Variants in PHLPP1 observed in about 807,000 individuals in gnomAD.
PHLPP1 encodes the protein PH domain and leucine rich repeat protein phosphatase 1.
Under a neutral mutation model 117.2 loss-of-function variants are expected in PHLPP1, and 42 were observed. The ratio of observed to expected loss-of-function variants is 0.36; its 90% confidence interval spans 0.28 to 0.46. The LOEUF (loss-of-function observed/expected upper bound fraction) is 0.46, where lower values mean the gene tolerates loss of function less well. Among genes scored for constraint, PHLPP1 ranks in the 20% least tolerant of loss-of-function variants. The pLI is 1.00. For missense variants in PHLPP1, 2,084 were observed against 2,241.9 expected (o/e 0.93, Z 1.42); for synonymous variants, 1,042 against 970.7 (o/e 1.07, Z -1.37).
intron 1 of PHLPP1, among the ~76,000 whole-genome samples, chr18:62,812,127 A>G (rs567419264): frequency 6.6e-6 from 1 of 152,296 alleles, no homozygotes; most frequent in South Asian, 2.1e-4. Context: ...GCTCTTAATC[A>G]TTGTCTGAAG....
intron 15 of PHLPP1, among the ~76,000 whole-genome samples, chr18:62,974,250 C>A (rs1911128638): frequency 6.6e-6 from 1 of 152,162 alleles, no homozygotes; most frequent in Non-Finnish European, 1.5e-5. Context: ...AGTTTAGGAA[C>A]CTAAACTATA....
chr18:62,941,858 G>A lies in PHLPP1; in HGVS notation c.3101G>A (p.Gly1034Glu), dbSNP rs748022682. The A allele has an allele frequency of 3.1e-6, 5 of 1,614,002 alleles. No individual in the cohort carries two copies. The highest frequency in any genetic ancestry group is 2.2e-5 in the South Asian group (2 of 91,084). ...LTDKCVPLLT[G>E]HPHLKILHMA... The stretch of plus-strand genomic sequence containing the variant: ...GACAAATGTGTGCCCTTGTTAACGG[G>A]ACACCCCCATTTGAAGATCCTTCAC... The change falls in exon 11 of 17, where the codon GGA becomes GAA. Residue 1034 changes from glycine (G) to glutamate (E), a missense_variant. Around this residue, in one of 2 missense-constraint regions of PHLPP1, gnomAD observed 1,365 missense variants for 1,605.9 expected, o/e 0.85. Coordinates refer to ENST00000262719, the MANE Select transcript of PHLPP1 (RefSeq NM_194449.4).
At chr18:62,724,583 T>A (rs1389889136) in intron 1 of PHLPP1, among the ~76,000 whole-genome samples, 1 of 152,214 alleles carries the variant, frequency 6.6e-6, no homozygotes, top group Non-Finnish European at 1.5e-5. Context: ...ATTTTGATGA[T>A]CTGTCCAGTG....
At chr18:62,732,889 G>A (rs1599017573) in intron 1 of PHLPP1, among the ~76,000 whole-genome samples, 1 of 152,196 alleles carries the variant, frequency 6.6e-6, no homozygotes, top group Admixed American at 6.5e-5. Context: ...ATTAGAAGTG[G>A]AGCCTGGAGA....
intron 6 of PHLPP1, 144 bp from the exon 7 acceptor site, chr18:62,902,819 AG>A: frequency 1.6e-6 from 1 of 608,392 alleles, no homozygotes; most frequent in East Asian, 2.7e-5. Flanking sequence ...TAGTTAAGAA[AG>A]GCCGGATGCT....
chr18:62,723,714 C>T (rs1763291562), intron 1 of PHLPP1, among the ~76,000 whole-genome samples: 1 of 152,136 alleles, frequency 6.6e-6, no homozygotes. Context: ...TCTTCAAAAA[C>T]AGAACTTTGG....
chr18:62,925,562 T>A (rs1909604217), intron 10 of PHLPP1, among the ~76,000 whole-genome samples: 1 of 151,460 alleles, frequency 6.6e-6, no homozygotes, highest in African/African-American at 2.5e-5. Context: ...GAACAGAAAA[T>A]TTAGAAGAGC....
At chr18:62,838,243 T>C (rs1302304176) in intron 2 of PHLPP1, 1 of 152,216 alleles carries the variant, frequency 6.6e-6, no homozygotes, top group Middle Eastern at 3.2e-3. Context: ...TAGAAGTTTG[T>C]ATAATGTTAC....
At chr18:62,857,687 A>C (rs1017475724) in intron 3 of PHLPP1, among the ~76,000 whole-genome samples, 3 of 152,170 alleles carry the variant, frequency 2.0e-5, no homozygotes, top group Admixed American at 1.3e-4. Flanking sequence ...TCCTCTGGGA[A>C]TCCTTTTCTG....
rs141092082 is a variant in PHLPP1 at position 62,957,195 on chromosome 18, G to A, written c.3325-1434G>A. Reference sequence around the variant, plus strand: ...GAGCGCTGACCACTCCGTTTCTCTTGTGTATGCTGAGCCTTCTCCACCTAG... The same window carrying A: ...GAGCGCTGACCACTCCGTTTCTCTTATGTATGCTGAGCCTTCTCCACCTAG... On this transcript the variant is annotated intron_variant, in intron 12 of 16. Transcript: ENST00000262719. 1.1e-4 allele frequency among the ~76,000 whole-genome samples: 16 copies of A among 152,246 alleles called. No individual in the cohort carries two copies. In the East Asian group the frequency reaches 2.9e-3, roughly 28 times the overall value.
chr18:62,798,536 A>T (rs533906530), intron 1 of PHLPP1, among the ~76,000 whole-genome samples: 1 of 152,248 alleles, frequency 6.6e-6, no homozygotes, highest in Non-Finnish European at 1.5e-5. Context: ...ATATTAAATT[A>T]CTAAGAAAAG....
chr18:62,958,559 A>G, intron 12 of PHLPP1, 70 bp from the exon 13 acceptor site: 1 of 1,474,222 alleles, frequency 6.8e-7, no homozygotes, highest in Non-Finnish European at 9.4e-7. Context: ...TGCAAAGAGT[A>G]GGAGTATAGA....
At chr18:62,825,789 C>G (rs1431848843) in intron 1 of PHLPP1, among the ~76,000 whole-genome samples, 3 of 152,062 alleles carry the variant, frequency 2.0e-5, no homozygotes, top group Non-Finnish European at 4.4e-5. Context: ...TACAGTAGAC[C>G]TATCACTATA....
intron 3 of PHLPP1, among the ~76,000 whole-genome samples, chr18:62,856,959 A>AT (rs1427864076): frequency 6.6e-6 from 1 of 151,802 alleles, no homozygotes; most frequent in East Asian, 1.9e-4. Flanking sequence ...GTGCTTACCA[A>AT]TTTTTTTAAC....
intron 4 of PHLPP1, among the ~76,000 whole-genome samples, chr18:62,864,859 G>C (rs761271175): frequency 6.6e-6 from 1 of 152,088 alleles, no homozygotes; most frequent in Non-Finnish European, 1.5e-5. Context: ...CTAAATTGCA[G>C]GAAAAAACCT....
At chr18:62,807,768 TAA>T (rs1355065946) in intron 1 of PHLPP1, among the ~76,000 whole-genome samples, 1 of 152,046 alleles carries the variant, frequency 6.6e-6, no homozygotes, top group African/African-American at 2.4e-5. Flanking sequence ...AAAATAATAG[TAA>T]AAATACAGTA....
At chr18:62,938,994 C>CTTTCTTTTTTTTTTTTTTTT (rs368316862) in intron 10 of PHLPP1, among the ~76,000 whole-genome samples, 6 of 128,680 alleles carry the variant, frequency 4.7e-5, no homozygotes, top group African/African-American at 5.9e-5. Flanking sequence ...TTCTTTCTTT[C>CTTTCTTTTTTTTTTTTTTTT]TTTTTTTTTT....
Position 62,945,099 on chromosome 18 carries a change from CT to C in PHLPP1, c.3162-3del. On this transcript the variant is annotated splice_polypyrimidine_tract_variant and intron_variant, in intron 11 of 16. Transcript: ENST00000262719. ...TTTCTTTTAAATTGCTTTATTTTCT[CT>C]TTTTTTAGTAAAATGGCGAAACTGG... is the stretch of plus-strand genomic sequence containing the variant. 3 of 1,557,618 alleles carry C rather than the reference CT, an allele frequency of 1.9e-6. No homozygotes were observed. Among genetic ancestry groups the C allele is most frequent in the Non-Finnish European group, 2.6e-6 (3 of 1,154,572 alleles).
intron 1 of PHLPP1, among the ~76,000 whole-genome samples, chr18:62,811,803 T>C (rs1308728553): frequency 6.6e-6 from 1 of 152,212 alleles, no homozygotes; most frequent in African/African-American, 2.4e-5. Flanking sequence ...ATTTTTCTGA[T>C]GTCATGTCTA....
Sources: allele counts gnomAD v4.1 joint callset (sites outside exome capture counted in the v4.1 genomes callset), GRCh38; gene constraint gnomAD v4.1.1; regional missense constraint gnomAD v4.1.1; transcripts MANE v1.5; gene names NCBI Gene and HGNC (gene_info 2026-07-23, HGNC 2026-07-21).